TPH2: variants seen among roughly 807,000 people sequenced by gnomAD.
The protein encoded by TPH2 is tryptophan hydroxylase 2, also known as tryptophan 5-hydroxylase 2.
TPH2 carries 27 observed loss-of-function variants against 59.1 expected under a neutral mutation model. The ratio of observed to expected loss-of-function variants is 0.46; its 90% confidence interval spans 0.34 to 0.63. The LOEUF (loss-of-function observed/expected upper bound fraction) is 0.63. Ranked by LOEUF, TPH2 falls within the 30% of genes least tolerant of loss-of-function variation. The pLI, the probability that TPH2 is intolerant of heterozygous loss-of-function variation, is 0.01. For missense variants in TPH2, 523 were observed against 588.3 expected (o/e 0.89, Z 1.15); for synonymous variants, 220 against 210.5 (o/e 1.05, Z -0.39).
At chr12:71,999,095 C>T (rs998253640) in intron 8 of TPH2, among the ~76,000 whole-genome samples, 28 of 152,172 alleles carry the variant, frequency 1.8e-4, no homozygotes, top group Admixed American at 1.3e-3. Context: ...TAATCGGCAC[C>T]GCCAAACTCT....
intron 8 of TPH2, among the ~76,000 whole-genome samples, chr12:72,009,370 T>A (rs556758707): frequency 6.6e-6 from 1 of 152,348 alleles, no homozygotes; most frequent in South Asian, 2.1e-4. Context: ...ATATTTCAAG[T>A]CATCATCCTT....
rs764579606 is a variant in TPH2 at position 71,972,532 on chromosome 12, C to A, written c.622C>A (p.Pro208Thr). Residue 208 changes from proline to threonine, a missense_variant, in exon 6 of 11, where the codon CCC (proline) becomes ACC (threonine). Pro to Thr is a conservative substitution (Grantham distance 38). Coordinates refer to ENST00000333850, the MANE Select transcript of TPH2 (RefSeq NM_173353.4). ...AMGYKYGQPI[P>T]RVEYTEEETK... ...TCTCCTGCCTAGTGGTCAGCCCATTCCCAGGGTGGAGTATACTGAAGAAGA... is the reference window on the plus strand; with the variant it reads ...TCTCCTGCCTAGTGGTCAGCCCATTACCAGGGTGGAGTATACTGAAGAAGA... 1 of 1,614,138 alleles carries A rather than the reference C, an allele frequency of 6.2e-7. No homozygotes were observed. Among genetic ancestry groups the A allele is most frequent in the Non-Finnish European group, 8.5e-7 (1 of 1,180,012 alleles).
At chr12:72,009,728 G>A (rs943304608) in intron 8 of TPH2, among the ~76,000 whole-genome samples, 1 of 152,208 alleles carries the variant, frequency 6.6e-6, no homozygotes, top group African/African-American at 2.4e-5. Context: ...GAAGGCACCT[G>A]CCCCAGGGCA....
At chr12:71,966,660 C>CAATT (rs1871827117) in intron 5 of TPH2, among the ~76,000 whole-genome samples, 1 of 152,152 alleles carries the variant, frequency 6.6e-6, no homozygotes, top group Admixed American at 6.5e-5. Context: ...TTCCCTTACC[C>CAATT]AATTCTCTGT....
chr12:71,965,661 T>C (rs1871797981), intron 5 of TPH2, among the ~76,000 whole-genome samples: 1 of 152,244 alleles, frequency 6.6e-6, no homozygotes, highest in African/African-American at 2.4e-5. Flanking sequence ...CAATTACTTT[T>C]GCACCAATTT....
At chr12:72,020,787 T>C (rs971240310) in intron 8 of TPH2, among the ~76,000 whole-genome samples, 1 of 152,096 alleles carries the variant, frequency 6.6e-6, no homozygotes, top group Admixed American at 6.6e-5. Flanking sequence ...ACGCCCAGTC[T>C]AGGGCTGTAA....
intron 9 of TPH2, among the ~76,000 whole-genome samples, chr12:72,030,043 C>T (rs897027990): frequency 1.3e-5 from 2 of 152,132 alleles, no homozygotes; most frequent in Admixed American, 6.6e-5. Flanking sequence ...CCGCCTAAAA[C>T]TCTCATTTAC....
intron 9 of TPH2, among the ~76,000 whole-genome samples, chr12:72,022,740 A>G (rs1328232967): frequency 6.6e-6 from 1 of 152,226 alleles, no homozygotes; most frequent in South Asian, 2.1e-4. Context: ...AACAGCAATG[A>G]CAAATGTATG....
rs1019877719 is a variant in TPH2, at chr12:71,982,644, C to T, written c.941+3557C>T. 5.9e-5 allele frequency among the ~76,000 whole-genome samples: 9 copies of T among 152,202 alleles called. No individual in the cohort carries two copies. In the East Asian group the frequency reaches 1.7e-3, roughly 29 times the overall value. On this transcript the variant is annotated intron_variant, in intron 7 of 10. Transcript: ENST00000333850. Reference sequence around the variant, plus strand: ...TTGTCTTTGTAATGAAATCCCATTTCCTCAATTGAAAACCAACTAGAGGGC... The same window carrying T: ...TTGTCTTTGTAATGAAATCCCATTTTCTCAATTGAAAACCAACTAGAGGGC...
chr12:71,991,396 G>A (rs1413487615), intron 7 of TPH2, among the ~76,000 whole-genome samples: 2 of 152,212 alleles, frequency 1.3e-5, no homozygotes, highest in African/African-American at 2.4e-5. Flanking sequence ...ATTTAGCACA[G>A]TGCCTGGCTC....
At chr12:71,978,891 G>T in intron 6 of TPH2, 61 bp from the exon 7 acceptor site, 1 of 1,607,424 alleles carries the variant, frequency 6.2e-7, no homozygotes, top group African/African-American at 1.3e-5. Flanking sequence ...AGAAGCTCCT[G>T]CTTGGGCCCT....
intron 7 of TPH2, among the ~76,000 whole-genome samples, chr12:71,983,811 G>A (rs1214006742): frequency 6.6e-6 from 1 of 152,006 alleles, no homozygotes; most frequent in Non-Finnish European, 1.5e-5. Flanking sequence ...GAGAAAGAGA[G>A]AGATAGCACA....
intron 9 of TPH2, among the ~76,000 whole-genome samples, chr12:72,024,515 C>A (rs1460430391): frequency 6.6e-6 from 1 of 152,230 alleles, no homozygotes; most frequent in Non-Finnish European, 1.5e-5. Context: ...CCCACAGCAA[C>A]AGCATAATGC....
At chr12:71,978,885 G>T in intron 6 of TPH2, 67 bp from the exon 7 acceptor site, 1 of 1,595,650 alleles carries the variant, frequency 6.3e-7, no homozygotes, top group Non-Finnish European at 8.6e-7. Context: ...AATAGTAGAA[G>T]CTCCTGCTTG....
At chr12:72,019,963 C>T (rs1458922066) in intron 8 of TPH2, among the ~76,000 whole-genome samples, 1 of 152,186 alleles carries the variant, frequency 6.6e-6, no homozygotes, top group African/African-American at 2.4e-5. Flanking sequence ...TTCTTTCTTC[C>T]AGGTCATTCT....
At position 72,004,288 on chromosome 12, in the gene TPH2, A is replaced by G. The variant is rs893023594; in HGVS notation, c.1068+9723A>G. ...TTTTTGTCTCAAATGTCATCTTTCA[A>G]TTGAAGATATTCTTCTACTGCCCAA... On this transcript the variant is annotated intron_variant, in intron 8 of 10. Transcript: ENST00000333850. Among the ~76,000 whole-genome samples the G allele has an allele frequency of 2.0e-5, 3 of 150,564 alleles. 1 individual carries two copies. Among genetic ancestry groups the G allele is most frequent in the Admixed American group, 1.3e-4 (2 of 14,836 alleles).
At chr12:72,006,656 G>C (rs968112210) in intron 8 of TPH2, among the ~76,000 whole-genome samples, 4 of 152,106 alleles carry the variant, frequency 2.6e-5, no homozygotes, top group Non-Finnish European at 5.9e-5. Context: ...CAGGATTCTT[G>C]CTAACATTGG....
chr12:71,985,758 GT>G (rs1872416001), intron 7 of TPH2, among the ~76,000 whole-genome samples: 1 of 152,054 alleles, frequency 6.6e-6, no homozygotes, highest in Non-Finnish European at 1.5e-5. Flanking sequence ...CCTAAAGACT[GT>G]TTATGGCTAT....
intron 8 of TPH2, among the ~76,000 whole-genome samples, chr12:72,018,112 A>G (rs1042783267): frequency 1.3e-5 from 2 of 152,228 alleles, no homozygotes; most frequent in Non-Finnish European, 2.9e-5. Flanking sequence ...TTCTCTAAAC[A>G]GAATGGGCTG....
Sources: allele counts gnomAD v4.1 joint callset (sites outside exome capture counted in the v4.1 genomes callset), GRCh38; gene constraint gnomAD v4.1.1; transcripts MANE v1.5; gene names NCBI Gene and HGNC (gene_info 2026-07-23, HGNC 2026-07-21).